NDC1: variants seen among roughly 807,000 people sequenced by gnomAD.
NDC1 encodes the protein NDC1 transmembrane nucleoporin.
In NDC1, 24 loss-of-function variants were observed where a neutral mutation model predicts 89.8. The ratio of observed to expected loss-of-function variants is 0.27; its 90% confidence interval spans 0.19 to 0.38. The LOEUF is 0.38. Among genes scored for constraint, NDC1 ranks in the 10% least tolerant of loss-of-function variants. NDC1 has a pLI of 1.00. For missense variants in NDC1, 728 were observed against 797.6 expected (o/e 0.91, Z 1.05); for synonymous variants, 296 against 284.8 (o/e 1.04, Z -0.39).
chr1:53,836,646 C>T (rs1007147419), intron 1 of NDC1, among the ~76,000 whole-genome samples: 5 of 152,090 alleles, frequency 3.3e-5, no homozygotes, highest in African/African-American at 1.2e-4. Context: ...CAGGTGCCCG[C>T]CACCACACCT....
chr1:53,771,262 A>T (rs1042904566), intron 17 of NDC1: 5 of 152,176 alleles, frequency 3.3e-5, no homozygotes, highest in African/African-American at 1.2e-4. Context: ...TCTTGGAGGC[A>T]GTCTAGTGTT....
intron 2 of NDC1, 80 bp downstream of exon 2, chr1:53,835,420 T>TC (rs1649197109): frequency 1.6e-6 from 2 of 1,215,960 alleles, no homozygotes; most frequent in Non-Finnish European, 2.3e-6. Context: ...TAATTGAAAA[T>TC]AAACTGCTTG....
At chr1:53,837,935 G>A (rs1414499172) in intron 1 of NDC1, among the ~76,000 whole-genome samples, 1 of 152,060 alleles carries the variant, frequency 6.6e-6, no homozygotes, top group African/African-American at 2.4e-5. Context: ...GTAAAACTCC[G>A]CCTCACTCCC....
At chr1:53,815,901 C>T (rs1426289725) in intron 6 of NDC1, among the ~76,000 whole-genome samples, 1 of 151,932 alleles carries the variant, frequency 6.6e-6, no homozygotes, top group East Asian at 1.9e-4. Flanking sequence ...ACCAAGGAGT[C>T]GAAAGATCTC....
chr1:53,769,296 T>C (rs1647092259), intron 17 of NDC1, among the ~76,000 whole-genome samples: 2 of 152,166 alleles, frequency 1.3e-5, no homozygotes, highest in African/African-American at 4.8e-5. Flanking sequence ...GATAGAAAGT[T>C]GCACATATGT....
At position 53,797,035 on chromosome 1, in the gene NDC1, CACA is replaced by C. The variant is rs1647732496; in HGVS notation, c.1329_1331del (p.Val444del). On this transcript the variant is annotated inframe_deletion, in exon 12 of 18. Transcript: ENST00000371429. ...AGCCAAATGGGGTCCCAAATGGGCT[CACA>C]ACATCAGGTGTAGATAATTTTGAAG... 1 of 1,614,140 alleles carries C rather than the reference CACA, an allele frequency of 6.2e-7. No individual in the cohort carries two copies.
chr1:53,807,991 C>T (rs543423219), intron 7 of NDC1, among the ~76,000 whole-genome samples, 200 bp from the exon 8 acceptor site: 27 of 152,262 alleles, frequency 1.8e-4, no homozygotes, highest in Admixed American at 2.0e-4. Flanking sequence ...GAAGAACAGA[C>T]CTAAATCGGG....
At chr1:53,784,713 C>A (rs2100634434) in intron 16 of NDC1, among the ~76,000 whole-genome samples, 1 of 151,914 alleles carries the variant, frequency 6.6e-6, no homozygotes, top group South Asian at 2.1e-4. Context: ...ATGGTGTGAA[C>A]CCGGGAGGCA....
At chr1:53,793,491 G>C (rs1443152884) in intron 13 of NDC1, among the ~76,000 whole-genome samples, 1 of 152,082 alleles carries the variant, frequency 6.6e-6, no homozygotes, top group African/African-American at 2.4e-5. Context: ...CAACTAAACT[G>C]TATTCCCATG....
At chr1:53,821,639 T>C (rs1013207528) in intron 5 of NDC1, among the ~76,000 whole-genome samples, 3 of 152,190 alleles carry the variant, frequency 2.0e-5, no homozygotes, top group African/African-American at 7.2e-5. Context: ...ATTCCTACTA[T>C]AGCTTTCACC....
Position 53,832,495 on chromosome 1 carries a change from T to C in NDC1, c.275A>G (p.Tyr92Cys), listed in dbSNP as rs199637950. 5.6e-5 allele frequency: 87 copies of C among 1,545,280 alleles called. No homozygotes were observed. Among genetic ancestry groups the C allele is most frequent in the Non-Finnish European group, 7.5e-5 (84 of 1,119,290 alleles). ...IIISIFNVEF[Y>C]AVVPSIPCSR... The stretch of plus-strand genomic sequence containing the variant: ...GTTAACATTTGAAAACTCACCTGCA[T>C]AGAACTCCACATTGAAAATACTTAT... The change falls in exon 3 of 18, where the codon TAT (tyrosine) becomes TGT (cysteine). Residue 92 changes from tyrosine (Y) to cysteine (C), a missense_variant. Transcript: ENST00000371429.
chr1:53,808,361 C>T (rs1570206697), intron 7 of NDC1, among the ~76,000 whole-genome samples: 2 of 152,284 alleles, frequency 1.3e-5, no homozygotes, highest in Admixed American at 1.3e-4. Flanking sequence ...ATTATGAAAA[C>T]CAGGATTGGA....
In NDC1 at chr1:53,820,394, G is replaced by A. The variant is rs1323539107; in HGVS notation, c.595-1315C>T. Among the ~76,000 whole-genome samples, 5 of 152,000 alleles carry A rather than the reference G, an allele frequency of 3.3e-5. No individual in the cohort carries two copies. The East Asian group carries it at 7.7e-4, about 23-fold the overall frequency. On this transcript the variant is annotated intron_variant, in intron 5 of 17. Coordinates refer to ENST00000371429, the MANE Select transcript of NDC1 (RefSeq NM_018087.5). ...AGGAATCAAATAAGAAAAAAAAATCGGGGAGTGGGGAGGGATAGCATTAGG... is the reference window on the plus strand; with the variant it reads ...AGGAATCAAATAAGAAAAAAAAATCAGGGAGTGGGGAGGGATAGCATTAGG...
intron 15 of NDC1, 98 bp from the exon 16 acceptor site, chr1:53,787,356 A>G (rs1369117032): frequency 2.8e-6 from 2 of 717,752 alleles, no homozygotes; most frequent in East Asian, 5.4e-5. Flanking sequence ...CTGAATATAA[A>G]AAGAAATAAA....
chr1:53,787,550 G>A (rs556735840), intron 15 of NDC1, among the ~76,000 whole-genome samples: 4 of 151,620 alleles, frequency 2.6e-5, no homozygotes, highest in Non-Finnish European at 5.9e-5. Flanking sequence ...GAGGTGGGAG[G>A]ATTACTTGAG....
chr1:53,801,104 A>C, intron 10 of NDC1, among the ~76,000 whole-genome samples: 1 of 151,066 alleles, frequency 6.6e-6, no homozygotes, highest in East Asian at 1.9e-4. Flanking sequence ...AAAAAAAAAA[A>C]CAAAAAACCT....
At chr1:53,817,531 A>T (rs992293583) in intron 6 of NDC1, among the ~76,000 whole-genome samples, 3 of 152,222 alleles carry the variant, frequency 2.0e-5, no homozygotes, top group African/African-American at 7.2e-5. Context: ...AATAAGGTGC[A>T]ATGTATACTG....
At chr1:53,838,096 C>G in intron 1 of NDC1, 109 bp downstream of exon 1, 1 of 1,021,578 alleles carries the variant, frequency 9.8e-7, no homozygotes, top group Non-Finnish European at 1.4e-6. Context: ...CGCGTTCTCT[C>G]CACGCTGCCC....
chr1:53,803,683 C>G, intron 10 of NDC1, among the ~76,000 whole-genome samples: 1 of 152,306 alleles, frequency 6.6e-6, no homozygotes, highest in East Asian at 1.9e-4. Context: ...GCCATTCTCC[C>G]GCCTCAGCCT....
Sources: gnomAD v4.1 joint callset for allele counts (sites outside exome capture counted in the v4.1 genomes callset) on GRCh38, gnomAD v4.1.1 for gene constraint, MANE v1.5 for transcripts, NCBI Gene and HGNC (gene_info 2026-07-23, HGNC 2026-07-21) for gene names.